Variants in MON2 observed in about 807,000 individuals in gnomAD.
MON2 encodes the protein MON2 regulator of endosome-to-Golgi trafficking.
MON2 carries 84 observed loss-of-function variants against 208.6 expected under a neutral mutation model. The ratio of observed to expected loss-of-function variants is 0.40; its 90% CI spans 0.34 to 0.48. The LOEUF (loss-of-function observed/expected upper bound fraction) is 0.48. Ranked by LOEUF, MON2 falls within the 20% of genes least tolerant of loss-of-function variation. MON2 has a pLI of 0.59. For synonymous variants in MON2, 660 were observed against 694.0 expected, an observed-to-expected ratio of 0.95 and a Z score of 0.77; for missense variants, 1,611 against 2,015.4, an observed-to-expected ratio of 0.80 and a Z score of 3.84.
chr12:62,524,078 A>G (rs1243721110), intron 8 of MON2, among the ~76,000 whole-genome samples: 2 of 152,136 alleles, frequency 1.3e-5, no homozygotes, highest in African/African-American at 4.8e-5. Context: ...TATAAAATTT[A>G]TACTAAGCAC....
chr12:62,561,830 T>G (rs1302576235), intron 26 of MON2, among the ~76,000 whole-genome samples: 5 of 152,124 alleles, frequency 3.3e-5, no homozygotes, highest in Non-Finnish European at 5.9e-5. Context: ...TAGATTCTGA[T>G]CACACATGTT....
intron 34 of MON2, among the ~76,000 whole-genome samples, chr12:62,592,375 G>C (rs1412938061): frequency 6.6e-6 from 1 of 152,090 alleles, no homozygotes; most frequent in East Asian, 1.9e-4. Context: ...TGTTACTGAT[G>C]ACTGCACACT....
intron 34 of MON2, among the ~76,000 whole-genome samples, chr12:62,590,165 A>G (rs1199099700): frequency 6.6e-6 from 1 of 152,080 alleles, no homozygotes; most frequent in Admixed American, 6.6e-5. Flanking sequence ...ATCTGTGCTT[A>G]CTGCGGCGTT....
intron 26 of MON2, among the ~76,000 whole-genome samples, chr12:62,562,061 G>T (rs558215016): frequency 6.6e-6 from 1 of 152,056 alleles, no homozygotes; most frequent in African/African-American, 2.4e-5. Context: ...CAGTGTAGGG[G>T]TATTAGTTTT....
intron 7 of MON2, among the ~76,000 whole-genome samples, chr12:62,506,361 A>G (rs1421654436): frequency 1.3e-5 from 2 of 152,190 alleles, no homozygotes; most frequent in Non-Finnish European, 2.9e-5. Flanking sequence ...ACTTATCTCC[A>G]GGAGGTGAGA....
chr12:62,582,115 T>C (rs2075027374), intron 32 of MON2, among the ~76,000 whole-genome samples: 1 of 152,220 alleles, frequency 6.6e-6, no homozygotes, highest in African/African-American at 2.4e-5. Flanking sequence ...TAGCCAACTT[T>C]TTATTATTAA....
At chr12:62,500,933 T>G in intron 6 of MON2, 53 bp downstream of exon 6, 2 of 1,140,086 alleles carry the variant, frequency 1.8e-6, no homozygotes, top group Non-Finnish European at 2.5e-6. Flanking sequence ...TTTGTGTGAA[T>G]TTTTTAGTTG....
chr12:62,555,920 A>T (rs2073950697), intron 24 of MON2, 74 bp from the exon 25 acceptor site: 1 of 1,103,462 alleles, frequency 9.1e-7, no homozygotes, highest in East Asian at 2.6e-5. Flanking sequence ...GTAGATTCTT[A>T]TGCTGTTGCT....
chr12:62,506,983 T>G (rs906876246), intron 7 of MON2, among the ~76,000 whole-genome samples: 7 of 152,220 alleles, frequency 4.6e-5, no homozygotes, highest in Admixed American at 4.6e-4. Flanking sequence ...ATTAACAGGT[T>G]AAGGAGTGCT....
At chr12:62,555,137 T>C (rs1445942744) in intron 24 of MON2, among the ~76,000 whole-genome samples, 8 of 152,058 alleles carry the variant, frequency 5.3e-5, no homozygotes, top group Non-Finnish European at 1.0e-4. Context: ...AAATTCTCCA[T>C]TGATGCCTCA....
intron 8 of MON2, among the ~76,000 whole-genome samples, chr12:62,511,841 A>G (rs1041639169): frequency 1.3e-5 from 2 of 152,210 alleles, no homozygotes; most frequent in African/African-American, 4.8e-5. Flanking sequence ...CACTGCTGAT[A>G]AAGACATACC....
At chr12:62,540,749 A>C (rs575049279) in intron 19 of MON2, among the ~76,000 whole-genome samples, 1 of 152,300 alleles carries the variant, frequency 6.6e-6, no homozygotes, top group East Asian at 1.9e-4. Flanking sequence ...GTAAATATGG[A>C]ATGGAAATTA....
chr12:62,519,465 G>A (rs2071887060), intron 8 of MON2, among the ~76,000 whole-genome samples: 1 of 152,112 alleles, frequency 6.6e-6, no homozygotes. Flanking sequence ...GAGCTTTTGT[G>A]CATGTGAGTT....
intron 1 of MON2, among the ~76,000 whole-genome samples, chr12:62,467,657 C>T (rs967924509): frequency 6.6e-6 from 1 of 152,158 alleles, no homozygotes; most frequent in Non-Finnish European, 1.5e-5. Context: ...GTTTGTTGCT[C>T]CCCGAAACGA....
At chr12:62,535,973 T>A (rs1395235262) in intron 14 of MON2, among the ~76,000 whole-genome samples, 1 of 151,978 alleles carries the variant, frequency 6.6e-6, no homozygotes, top group African/African-American at 2.4e-5. Flanking sequence ...GCTCATTGGA[T>A]AAGTATATAA....
chr12:62,580,225 A>G, intron 31 of MON2, 72 bp from the exon 32 acceptor site: 1 of 1,445,140 alleles, frequency 6.9e-7, no homozygotes, highest in Non-Finnish European at 9.4e-7. Context: ...TAAAATTTAA[A>G]TTTTACTCTA....
chr12:62,596,618 T>G lies in MON2; in HGVS notation c.*3869T>G, dbSNP rs2136539088. On this transcript the variant is annotated 3_prime_UTR_variant, in exon 35 of 35. Transcript: ENST00000393630. Reference sequence around the variant, plus strand: ...TATTTATCTACATTATTAGAGGGAATTTTTATTTTAAAAAAATTGTCATTC... The same window carrying G: ...TATTTATCTACATTATTAGAGGGAAGTTTTATTTTAAAAAAATTGTCATTC... 6.6e-6 allele frequency: 1 copy of G among 152,326 alleles called. No homozygotes were observed. Among genetic ancestry groups the G allele is most frequent in the Admixed American group, 6.5e-5 (1 of 15,294 alleles). The allele number at this position is 152,326 out of a possible 1,614,324, so 9.4% of individuals were successfully genotyped here. A position where few individuals can be genotyped will look rare whatever the true frequency, so the allele number is the denominator to read the frequency against.
intron 20 of MON2, 73 bp downstream of exon 20, chr12:62,543,271 C>A: frequency 2.6e-6 from 2 of 757,788 alleles, no homozygotes; most frequent in Non-Finnish European, 3.9e-6. Context: ...TTCTAAATAG[C>A]CATTTGAAAA....
rs904238186 is a variant in MON2 at position 62,592,440 on chromosome 12, T to A, written c.4991-146T>A. Reference sequence around the variant, plus strand: ...AATATAGCAGGAAATCTTTGAAAAATTAAAAAGATAAAAAGATACAAGCTT... The same window carrying A: ...AATATAGCAGGAAATCTTTGAAAAAATAAAAAGATAAAAAGATACAAGCTT... On this transcript the variant is annotated intron_variant, in intron 34 of 34. Coordinates refer to ENST00000393630, the MANE Select transcript of MON2 (RefSeq NM_015026.3). 19 of 615,360 alleles carry A rather than the reference T, an allele frequency of 3.1e-5. No homozygotes were observed. In the East Asian group the frequency reaches 5.7e-4, roughly 18 times the overall value. 38.1% of individuals were successfully genotyped at this position (615,360 alleles called of 1,614,324 possible).
Sources: allele counts gnomAD v4.1 joint callset (sites outside exome capture counted in the v4.1 genomes callset), GRCh38; gene constraint gnomAD v4.1.1; transcripts MANE v1.5; gene names NCBI Gene and HGNC (gene_info 2026-07-23, HGNC 2026-07-21).